The following SVIL variants were observed in gnomAD, a reference collection of about 807,000 sequenced individuals.
SVIL encodes archvillin.
A neutral mutation model predicts 240.4 loss-of-function variants in SVIL; 101 were observed. That is an observed-to-expected ratio of 0.42 (90% confidence interval 0.36 to 0.50). The LOEUF is 0.50. Ranked by LOEUF, SVIL falls within the 20% of genes least tolerant of loss-of-function variation. The pLI is 0.01. For synonymous variants in SVIL, 999 were observed against 1,100.0 expected, an observed-to-expected ratio of 0.91 and a Z score of 1.82; for missense variants, 2,512 against 2,818.7, an observed-to-expected ratio of 0.89 and a Z score of 2.46.
intron 36 of SVIL, among the ~76,000 whole-genome samples, chr10:29,460,861 C>T (rs774765044): frequency 2.5e-4 from 38 of 152,234 alleles, no homozygotes; most frequent in Non-Finnish European, 5.1e-4. Context: ...GCTGTGATTA[C>T]ACCACTGCAC....
At chr10:29,694,622 G>A (rs1482555891) in intron 1 of SVIL, among the ~76,000 whole-genome samples, 1 of 152,046 alleles carries the variant, frequency 6.6e-6, no homozygotes, top group African/African-American at 2.4e-5. Flanking sequence ...ATCATATCCA[G>A]CTAATTTTTG....
intron 1 of SVIL, among the ~76,000 whole-genome samples, chr10:29,632,778 T>G (rs1465212829): frequency 2.0e-5 from 3 of 152,202 alleles, no homozygotes; most frequent in Non-Finnish European, 2.9e-5. Context: ...CCTAATGTAC[T>G]ACAATAGCTT....
upstream of SVIL, among the ~76,000 whole-genome samples, chr10:29,639,571 C>T (rs977730034): frequency 8.0e-5 from 12 of 150,654 alleles, no homozygotes; most frequent in South Asian, 6.3e-4. Context: ...CAAGTTCAAG[C>T]GATTCTCCTA....
chr10:29,546,176 T>C (rs1429254091), intron 6 of SVIL, among the ~76,000 whole-genome samples: 1 of 152,194 alleles, frequency 6.6e-6, no homozygotes, highest in African/African-American at 2.4e-5. Flanking sequence ...AGGACCTAAA[T>C]CCCTTTTAAT....
intron 1 of SVIL, among the ~76,000 whole-genome samples, chr10:29,723,794 G>A (rs1227900910): frequency 6.6e-6 from 1 of 152,140 alleles, no homozygotes; most frequent in Non-Finnish European, 1.5e-5. Flanking sequence ...ATCAAAAATT[G>A]TGGGAAAACC....
At chr10:29,688,911 C>T (rs1368326445) in intron 1 of SVIL, among the ~76,000 whole-genome samples, 3 of 152,094 alleles carry the variant, frequency 2.0e-5, no homozygotes, top group Non-Finnish European at 4.4e-5. Context: ...TGAGATAAGA[C>T]TAGTGAAAAG....
At chr10:29,523,294 G>C (rs1950680709) in intron 15 of SVIL, among the ~76,000 whole-genome samples, 157 bp downstream of exon 15, 1 of 152,192 alleles carries the variant, frequency 6.6e-6, no homozygotes, top group Non-Finnish European at 1.5e-5. Flanking sequence ...CCTCTAGTCA[G>C]ATCCAGGGAA....
chr10:29,540,440 T>C (rs1952062050), intron 6 of SVIL, among the ~76,000 whole-genome samples: 1 of 152,248 alleles, frequency 6.6e-6, no homozygotes, highest in South Asian at 2.1e-4. Flanking sequence ...ACAGCAACTC[T>C]AAGAGGTCTT....
At chr10:29,529,155 G>A (rs1359720515) in intron 12 of SVIL, among the ~76,000 whole-genome samples, 4 of 115,234 alleles carry the variant, frequency 3.5e-5, no homozygotes, top group Non-Finnish European at 6.6e-5. Flanking sequence ...CGTTCTGGGT[G>A]ACAGAGCAAG....
intron 17 of SVIL, among the ~76,000 whole-genome samples, chr10:29,505,308 A>G (rs1174579513): frequency 6.6e-6 from 1 of 152,186 alleles, no homozygotes; most frequent in Non-Finnish European, 1.5e-5. Context: ...CCTGGGTAAC[A>G]GAGTGAAACT....
chr10:29,594,976 C>A (rs1018005890), intron 1 of SVIL, among the ~76,000 whole-genome samples: 38 of 152,236 alleles, frequency 2.5e-4, no homozygotes, highest in African/African-American at 8.2e-4. Context: ...GGAAGGTAAA[C>A]CCCTGAAGGG....
intron 1 of SVIL, among the ~76,000 whole-genome samples, chr10:29,700,725 G>A (rs576272323): frequency 1.1e-3 from 166 of 151,986 alleles, no homozygotes; most frequent in African/African-American, 3.8e-3. Flanking sequence ...CGCCTGCCTC[G>A]GCCTCCCAAA....
intron 2 of SVIL, among the ~76,000 whole-genome samples, chr10:29,567,280 T>G (rs1197259579): frequency 6.6e-6 from 1 of 152,204 alleles, no homozygotes; most frequent in Admixed American, 6.5e-5. Flanking sequence ...ATCATCTCTG[T>G]TTTTCACAAC....
chr10:29,647,344 TTTGCACA>T (rs1378907083), intron 3 of SVIL: 1 of 152,160 alleles, frequency 6.6e-6, no homozygotes, highest in Non-Finnish European at 1.5e-5. Flanking sequence ...TTTTTTCTTT[TTTGCACA>T]GCTGTATTCA....
chr10:29,551,023 G>A lies in SVIL; in HGVS notation c.401C>T (p.Ser134Phe), dbSNP rs1400002271. The A allele has an allele frequency of 1.2e-6, 2 of 1,614,108 alleles. No individual in the cohort carries two copies. The highest frequency in any genetic ancestry group is 2.2e-5 in the South Asian group (2 of 91,078). The change falls in exon 6 of 38, where the codon TCC becomes TTC. Residue 134 changes from serine (S) to phenylalanine (F), a missense_variant. Around this residue, in one of 3 missense-constraint regions of SVIL, gnomAD observed 1,443 missense variants for 1,486.6 expected, o/e 0.97. Coordinates refer to ENST00000355867, the MANE Select transcript of SVIL (RefSeq NM_021738.3). ...LDPEADSEYLSRYTKSRKEPD... is the reference protein window; with the variant it reads ...LDPEADSEYLFRYTKSRKEPD... Reference sequence around the variant, plus strand: ...CTCCTTCCTGGACTTGGTATAGCGGGATAAATACTCGGAGTCGGCCTCGGG... The same window carrying A: ...CTCCTTCCTGGACTTGGTATAGCGGAATAAATACTCGGAGTCGGCCTCGGG...
intron 1 of SVIL, among the ~76,000 whole-genome samples, chr10:29,571,258 G>A (rs536687137): frequency 1.6e-3 from 238 of 152,318 alleles, no homozygotes; most frequent in African/African-American, 5.5e-3. Flanking sequence ...GCCTGGAGGC[G>A]CTGCAACAGA....
intron 1 of SVIL, among the ~76,000 whole-genome samples, chr10:29,689,376 C>T (rs1403243183): frequency 6.6e-6 from 1 of 152,176 alleles, no homozygotes; most frequent in African/African-American, 2.4e-5. Context: ...CCTCCGCCTC[C>T]CGGGTTCATG....
rs118145003 is a variant in SVIL, at chr10:29,525,686, C to A, written c.2343-971G>T. Among the ~76,000 whole-genome samples, 237 of 152,268 alleles carry A rather than the reference C, an allele frequency of 1.6e-3. 2 individuals carry two copies. The highest frequency in any genetic ancestry group is 2.8e-3 in the Non-Finnish European group (189 of 68,012). On this transcript the variant is annotated intron_variant, in intron 13 of 37. Coordinates refer to ENST00000355867, the MANE Select transcript of SVIL (RefSeq NM_021738.3). The stretch of plus-strand genomic sequence containing the variant: ...CTAGAAGAGAAGGAAAGCCTGAAGT[C>A]TTCACGGTCAATATGAATCTCTAGG...
At chr10:29,687,553 C>T (rs1341901172) in intron 1 of SVIL, among the ~76,000 whole-genome samples, 2 of 152,154 alleles carry the variant, frequency 1.3e-5, no homozygotes, top group African/African-American at 2.4e-5. Flanking sequence ...ATTAGGCAGC[C>T]GTGGTAGTGC....
Sources: allele counts gnomAD v4.1 joint callset (sites outside exome capture counted in the v4.1 genomes callset), GRCh38; gene constraint gnomAD v4.1.1; regional missense constraint gnomAD v4.1.1; transcripts MANE v1.5; gene names NCBI Gene and HGNC (gene_info 2026-07-23, HGNC 2026-07-21).